Variants in PCDHGB6 observed in about 807,000 individuals in gnomAD.
The protein encoded by PCDHGB6 is protocadherin gamma subfamily B, 6, also known as protocadherin gamma-B6.
PCDHGB6 carries 51 observed loss-of-function variants against 59.1 expected under a neutral mutation model. That is an observed-to-expected ratio of 0.86 (90% CI 0.69 to 1.09). PCDHGB6 has a LOEUF of 1.09. Ranked by LOEUF, PCDHGB6 falls within the 50% of genes least tolerant of loss-of-function variation. The pLI is 0.00. For missense variants in PCDHGB6, 1,148 were observed against 1,205.1 expected (o/e 0.95, Z 0.70); for synonymous variants, 466 against 495.1 (o/e 0.94, Z 0.78).
At position 141,478,876 on chromosome 5, in the gene PCDHGB6, C is replaced by A. The variant is rs2099482470; in HGVS notation, c.2419-15931C>A. 30 of 1,265,748 alleles carry A rather than the reference C, an allele frequency of 2.4e-5. No individual in the cohort carries two copies. The South Asian group carries it at 4.7e-4, about 20-fold the overall frequency. 78.4% of individuals were successfully genotyped at this position (1,265,748 alleles called of 1,614,324 possible). On this transcript the variant is annotated intron_variant, in intron 1 of 3. Transcript: ENST00000520790. ...CAAGATCTCAGCGATCAGAGTTTAGCTTGGTATCATTTACATTAGGAATAA... is the reference window on the plus strand; with the variant it reads ...CAAGATCTCAGCGATCAGAGTTTAGATTGGTATCATTTACATTAGGAATAA...
chr5:141,461,902 C>A (rs1477274695), intron 1 of PCDHGB6, among the ~76,000 whole-genome samples: 1 of 152,116 alleles, frequency 6.6e-6, no homozygotes, highest in African/African-American at 2.4e-5. Flanking sequence ...CGGCTCACTG[C>A]AACCTCTGCC....
chr5:141,490,229 T>C lies in PCDHGB6; in HGVS notation c.2419-4578T>C. The C allele has an allele frequency of 6.2e-7, 1 of 1,614,198 alleles. No individual in the cohort carries two copies. Among genetic ancestry groups the C allele is most frequent in the Non-Finnish European group, 8.5e-7 (1 of 1,180,034 alleles). On this transcript the variant is annotated intron_variant, in intron 1 of 3. Coordinates refer to ENST00000520790, the MANE Select transcript of PCDHGB6 (RefSeq NM_018926.3). The surrounding 1 kb of genome is among the most constrained non-coding windows in gnomAD (Gnocchi z 5.4). ...GCCCGTGACCAGGGACAGCCTGCCA[T>C]GGAGGGCCACTGTGTGATTCAAGTG... is the stretch of plus-strand genomic sequence containing the variant.
intron 1 of PCDHGB6, among the ~76,000 whole-genome samples, chr5:141,456,918 G>A (rs535602842): frequency 6.6e-6 from 1 of 152,006 alleles, no homozygotes; most frequent in African/African-American, 2.4e-5. Context: ...AGCCGAGATC[G>A]CACCACTGCA....
At chr5:141,420,088 C>T in intron 1 of PCDHGB6, 5 of 1,614,002 alleles carry the variant, frequency 3.1e-6, no homozygotes, top group Non-Finnish European at 4.2e-6. Context: ...CCCCCAACTA[C>T]AGTGAGGGAA....
In PCDHGB6 at chr5:141,413,886, C is replaced by T. The variant is rs916273509; in HGVS notation, c.2418+3266C>T. The T allele has an allele frequency of 8.7e-6, 14 of 1,613,202 alleles. No homozygotes were observed. The African/African-American group carries it at 1.7e-4, about 20-fold the overall frequency. On this transcript the variant is annotated intron_variant, in intron 1 of 3. Transcript: ENST00000520790. ...CTGTCCTTGTCAGTGTGACTGTCTT[C>T]GATGCAAATGACAACGCGCCGGTCT...
intron 1 of PCDHGB6, chr5:141,430,850 A>T (rs1204872595): frequency 6.3e-7 from 1 of 1,582,670 alleles, no homozygotes; most frequent in South Asian, 1.2e-5. Context: ...ATGCACCCAG[A>T]TACGCTATTC....
chr5:141,490,561 A>G lies in PCDHGB6; in HGVS notation c.2419-4246A>G. On this transcript the variant is annotated intron_variant, in intron 1 of 3. Coordinates refer to ENST00000520790, the MANE Select transcript of PCDHGB6 (RefSeq NM_018926.3). This position sits in a 1 kb window ranked among gnomAD's most constrained non-coding sequence, Gnocchi z 5.4. Reference sequence around the variant, plus strand: ...TTCCCTACACAAACATCTCACCATCAGGCTCAACATTTCAGATGTCAATGA... The same window carrying G: ...TTCCCTACACAAACATCTCACCATCGGGCTCAACATTTCAGATGTCAATGA... 6.2e-7 allele frequency: 1 copy of G among 1,614,090 alleles called. No individual in the cohort carries two copies. The highest frequency in any genetic ancestry group is 8.5e-7 in the Non-Finnish European group (1 of 1,180,004).
In PCDHGB6 at chr5:141,493,468, T is replaced by C. The variant is rs960204561; in HGVS notation, c.2419-1339T>C. On this transcript the variant is annotated intron_variant, in intron 1 of 3. Transcript: ENST00000520790. The surrounding 1 kb of genome is among the most constrained non-coding windows in gnomAD (Gnocchi z 4.3). ...TGGGGTTCCTTCCCTTTTAGGACCT[T>C]ACATGTGGGGAAAGTCTTCTGTGGC... Among the ~76,000 whole-genome samples the C allele has an allele frequency of 4.6e-5, 7 of 152,144 alleles. No individual in the cohort carries two copies. Among genetic ancestry groups the C allele is most frequent in the African/African-American group, 1.4e-4 (6 of 41,426 alleles).
At chr5:141,459,035 AC>A (rs1337856322) in intron 1 of PCDHGB6, among the ~76,000 whole-genome samples, 1 of 152,218 alleles carries the variant, frequency 6.6e-6, no homozygotes, top group Non-Finnish European at 1.5e-5. Flanking sequence ...ATCCAGCCTT[AC>A]CAGCTATATT....
At chr5:141,416,115 A>G (rs2095995433) in intron 1 of PCDHGB6, 2 of 155,406 alleles carry the variant, frequency 1.3e-5, no homozygotes, top group East Asian at 1.9e-4. Context: ...TTCAAACTAC[A>G]TTTTATATAT....
At chr5:141,429,169 T>TACATACACACACACACAC (rs369570830) in intron 1 of PCDHGB6, 115 of 145,474 alleles carry the variant, frequency 7.9e-4, no homozygotes, top group African/African-American at 2.1e-3. Flanking sequence ...ACATTGTTTA[T>TACATACACACACACACAC]ACACACACAC....
chr5:141,498,725 A>AGT (rs2099785409), intron 2 of PCDHGB6, among the ~76,000 whole-genome samples: 1 of 152,150 alleles, frequency 6.6e-6, no homozygotes, highest in Non-Finnish European at 1.5e-5. Flanking sequence ...TGAGGTCAGG[A>AGT]GTTTGAGACC....
At chr5:141,469,836 T>C (rs2099212875) in intron 1 of PCDHGB6, among the ~76,000 whole-genome samples, 1 of 152,064 alleles carries the variant, frequency 6.6e-6, no homozygotes, top group South Asian at 2.1e-4. Flanking sequence ...ATAAAACTTA[T>C]TCTTAAGATT....
At chr5:141,418,878 A>G (rs1193526475) in intron 1 of PCDHGB6, 2 of 1,613,930 alleles carry the variant, frequency 1.2e-6, no homozygotes, top group Non-Finnish European at 8.5e-7. Context: ...GTTGTAGACG[A>G]AAACGACAAC....
chr5:141,484,333 A>T (rs1019527273), intron 1 of PCDHGB6, among the ~76,000 whole-genome samples: 2 of 152,198 alleles, frequency 1.3e-5, no homozygotes, highest in Non-Finnish European at 2.9e-5. Flanking sequence ...CCTTGAAATC[A>T]ATGAATGGTA....
chr5:141,441,813 A>T, intron 1 of PCDHGB6: 1 of 365,242 alleles, frequency 2.7e-6, no homozygotes, highest in South Asian at 2.3e-5. Context: ...GCTGTACCCC[A>T]GCTCTGGAGC....
intron 1 of PCDHGB6, chr5:141,421,800 G>T (rs995129799): frequency 1.2e-6 from 2 of 1,613,728 alleles, no homozygotes. Flanking sequence ...ATGGGGCCAA[G>T]AATCCAGAGC....
chr5:141,432,335 C>T lies in PCDHGB6; in HGVS notation c.2418+21715C>T, dbSNP rs146691720. On this transcript the variant is annotated intron_variant, in intron 1 of 3. Coordinates refer to ENST00000520790, the MANE Select transcript of PCDHGB6 (RefSeq NM_018926.3). This position sits in a 1 kb window ranked among gnomAD's most constrained non-coding sequence, Gnocchi z 6.0. ...GAGCTCCTTCGACTACGAGCAGTTC[C>T]GAGACTTGCAAGTGAAAGTGATGGC... 2.6e-5 allele frequency: 42 copies of T among 1,614,126 alleles called. No individual in the cohort carries two copies. Among genetic ancestry groups the T allele is most frequent in the African/African-American group, 1.2e-4 (9 of 74,940 alleles).
chr5:141,417,760 C>A, intron 1 of PCDHGB6: 1 of 1,438,808 alleles, frequency 7.0e-7, no homozygotes, highest in South Asian at 1.5e-5. Context: ...GCTCCGAGAC[C>A]CGGGACTCCT....
Sources: gnomAD v4.1 joint callset for allele counts (sites outside exome capture counted in the v4.1 genomes callset) on GRCh38, gnomAD v4.1.1 for gene constraint, Gnocchi (gnomAD v3.1) non-coding constraint, MANE v1.5 for transcripts, NCBI Gene and HGNC (gene_info 2026-07-23, HGNC 2026-07-21) for gene names.